The following AKR1C3 variants were observed in gnomAD, a reference collection of about 807,000 sequenced individuals.
AKR1C3 encodes aldo-keto reductase family 1 member C3.
In AKR1C3, 48 loss-of-function variants were observed where a neutral mutation model predicts 43.6. The ratio of observed to expected loss-of-function variants is 1.10; its 90% CI spans 0.87 to 1.40. The LOEUF (loss-of-function observed/expected upper bound fraction) is 1.40, where lower values mean the gene tolerates loss of function less well. Ranked by LOEUF, AKR1C3 falls within the 40% of genes most tolerant of loss-of-function variation. The probability of loss-of-function intolerance (pLI) is 0.00; values close to 1 mark genes in which losing one functional copy is unlikely to be tolerated. For missense variants in AKR1C3, 482 were observed against 391.2 expected (o/e 1.23, Z -1.96); for synonymous variants, 162 against 139.6 (o/e 1.16, Z -1.13).
intron 7 of AKR1C3, among the ~76,000 whole-genome samples, chr10:5,103,180 T>C (rs1554786420): frequency 6.6e-6 from 1 of 152,168 alleles, no homozygotes; most frequent in Admixed American, 6.5e-5. Context: ...GAGCCACCGC[T>C]CCTGGCCTCC....
intron 3 of AKR1C3, 194 bp downstream of exon 3, chr10:5,097,744 G>T (rs567515422): frequency 7.3e-7 from 1 of 1,375,314 alleles, no homozygotes; most frequent in Admixed American, 3.0e-5. Flanking sequence ...ACACCTACAA[G>T]AGAAGAGAGT....
chr10:5,085,335 A>C (rs1838938228), intron 1 of AKR1C3, among the ~76,000 whole-genome samples: 2 of 151,866 alleles, frequency 1.3e-5, no homozygotes, highest in Admixed American at 1.3e-4. Context: ...TGAGATAATC[A>C]TGTGGTTTTT....
At chr10:5,083,274 G>C (rs1838876680) in intron 1 of AKR1C3, among the ~76,000 whole-genome samples, 1 of 151,814 alleles carries the variant, frequency 6.6e-6, no homozygotes, top group Middle Eastern at 3.4e-3. Context: ...TCCCCTTCCT[G>C]TGTCCATGTG....
chr10:5,061,918 G>T (rs1554780291), intron 1 of AKR1C3, among the ~76,000 whole-genome samples: 3 of 152,134 alleles, frequency 2.0e-5, no homozygotes, highest in African/African-American at 7.2e-5. Context: ...CCAAAATGGT[G>T]AATAATACAT....
At chr10:5,085,689 T>G (rs1395044691) in intron 1 of AKR1C3, among the ~76,000 whole-genome samples, 1 of 151,928 alleles carries the variant, frequency 6.6e-6, no homozygotes, top group Non-Finnish European at 1.5e-5. Context: ...AATTCAGCTG[T>G]GAATCCATCT....
chr10:5,085,098 G>C (rs1242131304), intron 1 of AKR1C3, among the ~76,000 whole-genome samples: 1 of 152,054 alleles, frequency 6.6e-6, no homozygotes, highest in Non-Finnish European at 1.5e-5. Context: ...GCCCTGGCCA[G>C]AACTTCCAAC....
At chr10:5,056,778 C>G (rs149429617) in intron 1 of AKR1C3, among the ~76,000 whole-genome samples, 1 of 152,236 alleles carries the variant, frequency 6.6e-6, no homozygotes, top group East Asian at 1.9e-4. Flanking sequence ...ATATGCCTCC[C>G]TAATAAGGAT....
intron 1 of AKR1C3, among the ~76,000 whole-genome samples, chr10:5,057,996 CAG>C (rs1205171561): frequency 1.3e-5 from 2 of 152,164 alleles, no homozygotes; most frequent in Non-Finnish European, 2.9e-5. Context: ...TGCTTTAAAT[CAG>C]AGAGGGAGAA....
At chr10:5,062,257 G>A (rs1378941863) in intron 1 of AKR1C3, among the ~76,000 whole-genome samples, 3 of 152,142 alleles carry the variant, frequency 2.0e-5, no homozygotes, top group South Asian at 2.1e-4. Flanking sequence ...CTCAAGTCAG[G>A]TCTCCCAGCA....
intron 3 of AKR1C3, chr10:5,097,826 G>A (rs1420931824): frequency 6.8e-6 from 8 of 1,179,616 alleles, no homozygotes; most frequent in Admixed American, 4.2e-5. Flanking sequence ...TGTCTTAGTT[G>A]TGGCTTTTGA....
At chr10:5,059,124 G>A (rs1588332210) in intron 1 of AKR1C3, among the ~76,000 whole-genome samples, 1 of 152,230 alleles carries the variant, frequency 6.6e-6, no homozygotes, top group Non-Finnish European at 1.5e-5. Flanking sequence ...AGTCTGAGGA[G>A]GGATCCTAAA....
At chr10:5,079,664 C>G (rs1413501823) in intron 1 of AKR1C3, among the ~76,000 whole-genome samples, 2 of 152,086 alleles carry the variant, frequency 1.3e-5, no homozygotes, top group African/African-American at 4.8e-5. Flanking sequence ...TGTGTGGGGA[C>G]AGCCTTGGCT....
chr10:5,100,499 C>CT (rs1391362383), intron 5 of AKR1C3, among the ~76,000 whole-genome samples: 4 of 150,940 alleles, frequency 2.7e-5, no homozygotes. Context: ...GGGATAAGTC[C>CT]TTTTTTCCCC....
At chr10:5,049,431 C>T (rs1048751977) in intron 1 of AKR1C3, among the ~76,000 whole-genome samples, 6 of 152,064 alleles carry the variant, frequency 3.9e-5, no homozygotes, top group Admixed American at 3.9e-4. Flanking sequence ...ACTACTCTCA[C>T]CTCTGAGAAA....
chr10:5,087,144 T>C (rs1838984322), intron 1 of AKR1C3, among the ~76,000 whole-genome samples: 1 of 151,818 alleles, frequency 6.6e-6, no homozygotes, highest in Non-Finnish European at 1.5e-5. Context: ...CGATAGTTGA[T>C]GCAGTTTCTT....
At chr10:5,096,382 C>T in intron 1 of AKR1C3, 28 bp from the exon 2 acceptor site, 1 of 1,606,756 alleles carries the variant, frequency 6.2e-7, no homozygotes, top group Non-Finnish European at 8.5e-7. Flanking sequence ...CAGTGATCAC[C>T]AGATACTACC....
chr10:5,058,284 T>C (rs1838305249), intron 1 of AKR1C3, among the ~76,000 whole-genome samples: 1 of 152,134 alleles, frequency 6.6e-6, no homozygotes. Flanking sequence ...GGACATAAGG[T>C]ATTTCACTCC....
At chr10:5,056,974 G>A (rs1450133461) in intron 1 of AKR1C3, among the ~76,000 whole-genome samples, 1 of 152,186 alleles carries the variant, frequency 6.6e-6, no homozygotes, top group Non-Finnish European at 1.5e-5. Flanking sequence ...TGTCCAGGAG[G>A]AAGTCAATTT....
chr10:5,097,411 C>G, intron 2 of AKR1C3, 23 bp from the exon 3 acceptor site: 1 of 1,610,840 alleles, frequency 6.2e-7, no homozygotes, highest in South Asian at 1.1e-5. Flanking sequence ...TTCAAAATCA[C>G]CTCCATTCTT....
Sources: allele counts gnomAD v4.1 joint callset (sites outside exome capture counted in the v4.1 genomes callset), GRCh38; gene constraint gnomAD v4.1.1; transcripts MANE v1.5; gene names NCBI Gene and HGNC (gene_info 2026-07-23, HGNC 2026-07-21).